The following UNC80 variants were observed in gnomAD, a reference collection of about 807,000 sequenced individuals.
UNC80 encodes the protein unc-80 subunit of NALCN channel complex, also known as protein unc-80 homolog.
UNC80 carries 164 observed loss-of-function variants against 384.6 expected under a neutral mutation model. That is an observed-to-expected ratio of 0.43 (90% CI 0.38 to 0.49). The LOEUF is 0.49. Among genes scored for constraint, UNC80 ranks in the 20% least tolerant of loss-of-function variants. The probability of loss-of-function intolerance (pLI) is 0.00; values close to 1 mark genes in which losing one functional copy is unlikely to be tolerated. For synonymous variants in UNC80, 1,486 were observed against 1,527.8 expected, an observed-to-expected ratio of 0.97 and a Z score of 0.64; for missense variants, 3,330 against 4,143.0, an observed-to-expected ratio of 0.80 and a Z score of 5.39.
intron 26 of UNC80, 41 bp from the exon 27 acceptor site, chr2:209,894,122 C>G: frequency 1.0e-6 from 1 of 981,568 alleles, no homozygotes; most frequent in Non-Finnish European, 1.2e-6. Context: ...GGCTGGGGAA[C>G]ACTAGGGGGG....
At chr2:209,808,881 T>C in intron 7 of UNC80, 1 of 296,056 alleles carries the variant, frequency 3.4e-6, no homozygotes, top group Non-Finnish European at 6.4e-6. Flanking sequence ...CGGACTCGAA[T>C]CCAGAGTTTA....
At chr2:209,840,788 T>C in intron 20 of UNC80, 140 bp downstream of exon 20, 1 of 667,238 alleles carries the variant, frequency 1.5e-6, no homozygotes, top group Non-Finnish European at 2.6e-6. Context: ...TTTGGAAACT[T>C]AGATAAGCAA....
At chr2:209,879,815 G>A (rs2085119869) in intron 24 of UNC80, among the ~76,000 whole-genome samples, 1 of 152,124 alleles carries the variant, frequency 6.6e-6, no homozygotes, top group Non-Finnish European at 1.5e-5. Context: ...CATTCTTGAT[G>A]AGAGGCAAAG....
At chr2:209,977,410 TC>T (rs1383925970) in intron 58 of UNC80, among the ~76,000 whole-genome samples, 1 of 152,218 alleles carries the variant, frequency 6.6e-6, no homozygotes, top group African/African-American at 2.4e-5. Flanking sequence ...TACCTTTATT[TC>T]CTTTTGGAAA....
chr2:209,937,043 G>A, intron 41 of UNC80, 110 bp downstream of exon 41: 1 of 692,456 alleles, frequency 1.4e-6, no homozygotes, highest in Non-Finnish European at 2.5e-6. Context: ...GTAATAGTAT[G>A]GCCACCTGGG....
chr2:209,782,168 T>A (rs1170362549), intron 4 of UNC80, among the ~76,000 whole-genome samples: 1 of 152,164 alleles, frequency 6.6e-6, no homozygotes, highest in Non-Finnish European at 1.5e-5. Flanking sequence ...CTATCAAAAA[T>A]GTAGACAATA....
rs10178327 is a variant in UNC80, at chr2:209,945,875, A to G, written c.7218A>G (p.Thr2406=). 62,222 of 1,550,728 alleles carry G rather than the reference A, an allele frequency of 0.04. 4,502 individuals carry two copies. Among genetic ancestry groups the G allele is most frequent in the African/African-American group, 0.29 (21,248 of 72,844 alleles). Residue 2406 remains threonine, a synonymous_variant, in exon 47 of 65, where the codon ACA becomes ACG. Transcript: ENST00000673920. ...LDFCYGNEDL[T]FSISEAIKLC... is the part of the protein sequence containing the mutation. ...TCTGCTATGGAAACGAAGATCTGAC[A>G]TTTTCTATCAGTGAAGCCATTAAGC...
At chr2:209,882,254 C>T (rs760466405) in intron 25 of UNC80, among the ~76,000 whole-genome samples, 10 of 152,000 alleles carry the variant, frequency 6.6e-5, no homozygotes, top group East Asian at 1.9e-4. Flanking sequence ...TGTGAGCCAC[C>T]GCGCCTGGCC....
intron 58 of UNC80, among the ~76,000 whole-genome samples, chr2:209,977,501 G>T (rs2093043103): frequency 6.6e-6 from 1 of 152,042 alleles, no homozygotes; most frequent in African/African-American, 2.4e-5. Context: ...TACCTTCAAG[G>T]TATATAATTG....
chr2:209,788,435 TA>T (rs1036350263), intron 5 of UNC80, among the ~76,000 whole-genome samples: 2 of 149,694 alleles, frequency 1.3e-5, no homozygotes, highest in African/African-American at 2.4e-5. Context: ...AAAAAAGTTT[TA>T]AAAAAAAGTA....
chr2:209,830,886 T>G (rs1481811142), intron 15 of UNC80, among the ~76,000 whole-genome samples: 1 of 152,170 alleles, frequency 6.6e-6, no homozygotes, highest in Non-Finnish European at 1.5e-5. Flanking sequence ...AACTCTGCAG[T>G]TCTTGGCAGG....
intron 55 of UNC80, 110 bp downstream of exon 55, chr2:209,972,434 T>A (rs1482390315): frequency 7.1e-7 from 1 of 1,413,348 alleles, no homozygotes; most frequent in African/African-American, 1.5e-5. Flanking sequence ...GAAGTCAGTC[T>A]GAATGATTTA....
intron 7 of UNC80, chr2:209,808,847 G>A (rs147280147): frequency 1.3e-3 from 275 of 207,146 alleles, no homozygotes; most frequent in Non-Finnish European, 2.2e-3. Flanking sequence ...GACCCTGATC[G>A]GAAGCCCAAC....
chr2:209,987,052 G>A (rs2093304274), intron 61 of UNC80, among the ~76,000 whole-genome samples: 1 of 152,114 alleles, frequency 6.6e-6, no homozygotes, highest in Non-Finnish European at 1.5e-5. Flanking sequence ...AAGTAGTCCT[G>A]ATGAAAATCT....
In UNC80 at chr2:209,969,849, C is replaced by T; in HGVS notation, c.8088C>T (p.Phe2696=). 1 of 1,551,772 alleles carries T rather than the reference C, an allele frequency of 6.4e-7. No individual in the cohort carries two copies. Among genetic ancestry groups the T allele is most frequent in the South Asian group, 1.2e-5 (1 of 84,064 alleles). ...TTCAGAGGCAGCCAATCATATCCTT[C>T]CTGCCTCACCTTAGGTCACTGATCA... The part of the protein sequence containing the change: ...LTLQRQPIIS[F]LPHLRSLINV... The change falls in exon 53 of 65, where the codon TTC becomes TTT. Residue 2696 remains phenylalanine, a synonymous_variant. Transcript: ENST00000673920.
chr2:209,825,141 A>G (rs1209050836), intron 13 of UNC80, among the ~76,000 whole-genome samples: 2 of 152,218 alleles, frequency 1.3e-5, no homozygotes, highest in Non-Finnish European at 2.9e-5. Flanking sequence ...AGCTTCCCAA[A>G]GAAAGTGACT....
At chr2:209,987,409 A>G (rs1382473576) in intron 61 of UNC80, among the ~76,000 whole-genome samples, 1 of 152,230 alleles carries the variant, frequency 6.6e-6, no homozygotes, top group Non-Finnish European at 1.5e-5. Context: ...TTGGAAATTA[A>G]TAAGATGAAA....
intron 23 of UNC80, among the ~76,000 whole-genome samples, chr2:209,873,577 TTAAAA>T (rs2084499931): frequency 6.6e-6 from 1 of 152,126 alleles, no homozygotes; most frequent in Admixed American, 6.5e-5. Flanking sequence ...AAATGGACCC[TTAAAA>T]TAACTACAAC....
At position 209,793,358 on chromosome 2, in the gene UNC80, A is replaced by G. The variant is rs181401725; in HGVS notation, c.799-362A>G. Among the ~76,000 whole-genome samples the G allele has an allele frequency of 3.0e-3, 458 of 152,328 alleles. 3 individuals are homozygous for G. The highest frequency in any genetic ancestry group is 0.01 in the African/African-American group (430 of 41,570). ...TAGGTACTACTAACCTGGTGCTTCT[A>G]TTTTAGCCTCATGCTTCTATTCAGT... is the stretch of plus-strand genomic sequence containing the variant. On this transcript the variant is annotated intron_variant, in intron 6 of 64. Coordinates refer to ENST00000673920, the MANE Select transcript of UNC80 (RefSeq NM_001371986.1).
Sources: allele counts gnomAD v4.1 joint callset (sites outside exome capture counted in the v4.1 genomes callset), GRCh38; gene constraint gnomAD v4.1.1; transcripts MANE v1.5; gene names NCBI Gene and HGNC (gene_info 2026-07-23, HGNC 2026-07-21).